PATL2: variants seen among roughly 807,000 people sequenced by gnomAD.
PATL2 encodes the protein PAT1 homolog 2.
PATL2 carries 73 observed loss-of-function variants against 77.0 expected under a neutral mutation model. The observed-to-expected ratio is 0.95, with a 90% CI of 0.78 to 1.15. The LOEUF (loss-of-function observed/expected upper bound fraction) is 1.15, where lower values mean the gene tolerates loss of function less well. Among genes scored for constraint, PATL2 ranks in the 50% most tolerant of loss-of-function variants. The pLI is 0.00. For synonymous variants in PATL2, 265 were observed against 257.1 expected (o/e 1.03, Z -0.29); for missense variants, 618 against 655.4 (o/e 0.94, Z 0.62).
At position 44,692,401 on chromosome 15, in the gene PATL2, GACA is replaced by G. The variant is rs371177400; in HGVS notation, c.-75-15839_-75-15837del. ...AAATACCCCAAAGACAAAAACCAAC[GACA>G]ACAACAACAAAAAAACCAGCTCTGT... On this transcript the variant is annotated intron_variant, in intron 3 of 17. Coordinates refer to ENST00000682850, the MANE Select transcript of PATL2 (RefSeq NM_001387263.1). Among the ~76,000 whole-genome samples the G allele has an allele frequency of 3.9e-3, 599 of 152,130 alleles. 5 individuals are homozygous for G. Among genetic ancestry groups the G allele is most frequent in the African/African-American group, 0.014 (568 of 41,504 alleles).
At chr15:44,707,933 A>T (rs913310928) in intron 3 of PATL2, among the ~76,000 whole-genome samples, 7 of 152,224 alleles carry the variant, frequency 4.6e-5, no homozygotes, top group Non-Finnish European at 8.8e-5. Flanking sequence ...ATTTGCCTCT[A>T]GCTAGGGCTG....
intron 3 of PATL2, among the ~76,000 whole-genome samples, chr15:44,702,975 G>C (rs929221521): frequency 2.0e-5 from 3 of 152,018 alleles, no homozygotes; most frequent in Non-Finnish European, 4.4e-5. Flanking sequence ...AAAATGTTCT[G>C]TAAATATCTA....
chr15:44,695,013 C>T (rs939163781), intron 3 of PATL2, among the ~76,000 whole-genome samples: 2 of 152,016 alleles, frequency 1.3e-5, no homozygotes, highest in African/African-American at 4.8e-5. Flanking sequence ...TGGTGAAACC[C>T]GGTCTCTACT....
intron 16 of PATL2, 96 bp from the exon 17 acceptor site, chr15:44,666,637 T>C: frequency 7.8e-7 from 1 of 1,278,942 alleles, no homozygotes; most frequent in Non-Finnish European, 1.0e-6. Context: ...CTACTACCAT[T>C]GTCCCCCACC....
chr15:44,674,033 C>A, intron 6 of PATL2, 117 bp downstream of exon 6: 1 of 964,778 alleles, frequency 1.0e-6, no homozygotes, highest in Admixed American at 2.8e-5. Flanking sequence ...GCAACTCCCA[C>A]CTCCCACACC....
At chr15:44,680,506 T>TG (rs966386648) in intron 3 of PATL2, among the ~76,000 whole-genome samples, 49 of 152,160 alleles carry the variant, frequency 3.2e-4, no homozygotes, top group African/African-American at 1.2e-3. Flanking sequence ...CACTTCCAGG[T>TG]GGGGGGCTCT....
At chr15:44,686,926 C>T (rs1173723080) in intron 3 of PATL2, among the ~76,000 whole-genome samples, 1 of 152,156 alleles carries the variant, frequency 6.6e-6, no homozygotes, top group East Asian at 1.9e-4. Context: ...GCCTACTAAT[C>T]AAAAAAGTCC....
chr15:44,682,761 A>C (rs1182161803), intron 3 of PATL2, among the ~76,000 whole-genome samples: 3 of 152,246 alleles, frequency 2.0e-5, no homozygotes, highest in Admixed American at 6.5e-5. Flanking sequence ...AGATGGAGCA[A>C]AGATTTAAAC....
Position 44,669,768 on chromosome 15 carries a change from T to C in PATL2, c.876+9A>G, listed in dbSNP as rs1433390050. On this transcript the variant is annotated intron_variant, in intron 11 of 17. Coordinates refer to ENST00000682850, the MANE Select transcript of PATL2 (RefSeq NM_001387263.1). ...GAGAGAAAAATGTCTGGGAAGATAG[T>C]GCTCCCACCTGCTCTTGAGTTCCAT... is the stretch of plus-strand genomic sequence containing the variant. 3 of 1,551,466 alleles carry C rather than the reference T, an allele frequency of 1.9e-6. No individual in the cohort carries two copies. Among genetic ancestry groups the C allele is most frequent in the East Asian group, 2.4e-5 (1 of 40,902 alleles).
intron 3 of PATL2, among the ~76,000 whole-genome samples, chr15:44,680,906 C>T (rs767712367): frequency 6.6e-6 from 1 of 152,172 alleles, no homozygotes; most frequent in Non-Finnish European, 1.5e-5. Flanking sequence ...AGACAAGTCC[C>T]CTACCCTTAC....
At chr15:44,694,517 A>G (rs1198675552) in intron 3 of PATL2, among the ~76,000 whole-genome samples, 1 of 152,018 alleles carries the variant, frequency 6.6e-6, no homozygotes, top group Non-Finnish European at 1.5e-5. Flanking sequence ...TTCCGCTCCT[A>G]AACTCCTTGT....
intron 15 of PATL2, among the ~76,000 whole-genome samples, 184 bp downstream of exon 15, chr15:44,668,156 GAA>G (rs1179662690): frequency 6.6e-6 from 1 of 152,182 alleles, no homozygotes; most frequent in Non-Finnish European, 1.5e-5. Context: ...CAGACCTACT[GAA>G]TGACTGAGTG....
chr15:44,686,829 C>T lies in PATL2; in HGVS notation c.-75-10264G>A, dbSNP rs574079019. Among the ~76,000 whole-genome samples, 4 of 152,290 alleles carry T rather than the reference C, an allele frequency of 2.6e-5. No individual in the cohort carries two copies. In the South Asian group the frequency reaches 8.3e-4, roughly 32 times the overall value. On this transcript the variant is annotated intron_variant, in intron 3 of 17. Transcript: ENST00000682850. ...GAAGAAATGGATAAATTCCTGGACA[C>T]ATACACCCTCCCGAGACTAAACCAG... is the stretch of plus-strand genomic sequence containing the variant.
At chr15:44,667,315 G>C (rs888436170) in intron 15 of PATL2, 112 bp from the exon 16 acceptor site, 50 of 769,086 alleles carry the variant, frequency 6.5e-5, no homozygotes, top group Middle Eastern at 2.3e-4. Flanking sequence ...TAGAGATAGA[G>C]CTCAAAATAT....
chr15:44,674,286 C>A (rs1374465855), intron 5 of PATL2, 56 bp from the exon 6 acceptor site: 2 of 1,315,194 alleles, frequency 1.5e-6, no homozygotes, highest in African/African-American at 1.5e-5. Flanking sequence ...GTGTCTTCTG[C>A]ATTCACCTGT....
rs1566846254 is a variant in PATL2, at chr15:44,667,161, G to A, written c.1408C>T (p.Gln470Ter). The change falls in exon 16 of 18, where the codon CAA (glutamine) becomes TAA (stop). Residue 470 changes from glutamine (Q) to a stop codon, truncating the protein, a stop_gained. Coordinates refer to ENST00000682850, the MANE Select transcript of PATL2 (RefSeq NM_001387263.1). LOFTEE classifies it high-confidence loss of function. ...AGGGAAGAATGCAGCGATACCAGTT[G>A]CTCCCCATGGCTCAGCAGGGCATAG... ...LLYALLSHGE[Q>*]LVSLHSSLEE... 6.4e-7 allele frequency: 1 copy of A among 1,551,534 alleles called. No homozygotes were observed.
rs1279452121 is a variant in PATL2, at chr15:44,669,579, C to A, written c.877-16G>T. 5.8e-6 allele frequency: 9 copies of A among 1,549,756 alleles called. No individual in the cohort carries two copies. The highest frequency in any genetic ancestry group is 1.4e-5 in the African/African-American group (1 of 73,086). On this transcript the variant is annotated splice_polypyrimidine_tract_variant and intron_variant, in intron 11 of 17. Transcript: ENST00000682850. ...CTTCTATATCCTAGGAGAAGGGAGTCACCAGCTATCAGCTACACTGCCACT... is the reference window on the plus strand; with the variant it reads ...CTTCTATATCCTAGGAGAAGGGAGTAACCAGCTATCAGCTACACTGCCACT...
intron 3 of PATL2, among the ~76,000 whole-genome samples, chr15:44,685,564 C>T (rs146362242): frequency 5.3e-5 from 8 of 151,554 alleles, no homozygotes; most frequent in East Asian, 3.9e-4. Context: ...GCTGAGATTG[C>T]GCCTTTGCAT....
In PATL2 at chr15:44,669,805, T is replaced by C. The variant is rs779027688; in HGVS notation, c.848A>G (p.Asp283Gly). 1.7e-5 allele frequency: 27 copies of C among 1,551,672 alleles called. No homozygotes were observed. In the South Asian group the frequency reaches 2.0e-4, roughly 12 times the overall value. ...CTCTTGAGTTCCATGGGGTACCGCA[T>C]CAATAGCTCGGCGAGGGCTGAAGCA... Reference protein sequence around the residue: ...STCFSPRRAIDAVPHGTQEQD... With the variant: ...STCFSPRRAIGAVPHGTQEQD... Residue 283 changes from aspartate (D) to glycine (G), a missense_variant, in exon 11 of 18, where the codon GAT becomes GGT. Asp to Gly is a moderately conservative substitution (Grantham distance 94). Transcript: ENST00000682850.
Sources: allele counts gnomAD v4.1 joint callset (sites outside exome capture counted in the v4.1 genomes callset), GRCh38; gene constraint gnomAD v4.1.1; transcripts MANE v1.5; gene names NCBI Gene and HGNC (gene_info 2026-07-23, HGNC 2026-07-21).